Variants in ATP8A2 observed in about 807,000 individuals in gnomAD.
ATP8A2 encodes the protein ATPase phospholipid transporting 8A2, also known as phospholipid-transporting ATPase IB.
A neutral mutation model predicts 165.6 loss-of-function variants in ATP8A2; 100 were observed. The observed-to-expected ratio is 0.60, with a 90% confidence interval of 0.51 to 0.71. ATP8A2 has a LOEUF of 0.71. Among genes scored for constraint, ATP8A2 ranks in the 30% least tolerant of loss-of-function variants. The pLI, the probability that ATP8A2 is intolerant of heterozygous loss-of-function variation, is 0.00. For missense variants in ATP8A2, 1,227 were observed against 1,479.5 expected, an observed-to-expected ratio of 0.83 and a Z score of 2.80; for synonymous variants, 543 against 548.8, an observed-to-expected ratio of 0.99 and a Z score of 0.15.
In ATP8A2 at chr13:25,506,216, C is replaced by T. The variant is rs530885208; in HGVS notation, c.222-23783C>T. 4.6e-5 allele frequency among the ~76,000 whole-genome samples: 7 copies of T among 152,302 alleles called. No individual in the cohort carries two copies. In the South Asian group the frequency reaches 1.5e-3, roughly 32 times the overall value. ...GAAAGTTGTTGATTTTCTAATTGAG[C>T]AGGGCTCATTTGAGGGGAGCTGACA... On this transcript the variant is annotated intron_variant, in intron 2 of 36. Transcript: ENST00000381655.
At chr13:25,975,442 T>C (rs900355155) in intron 35 of ATP8A2, among the ~76,000 whole-genome samples, 2 of 149,046 alleles carry the variant, frequency 1.3e-5, no homozygotes, top group African/African-American at 2.5e-5. Context: ...ATTAGCCGGG[T>C]GTGGTGGCGG....
intron 27 of ATP8A2, among the ~76,000 whole-genome samples, chr13:25,801,797 CAT>C (rs1261541626): frequency 1.3e-5 from 2 of 152,150 alleles, no homozygotes. Flanking sequence ...TTAATTGACT[CAT>C]AGTTCTGCAT....
chr13:25,418,138 G>T (rs112658762), intron 1 of ATP8A2, among the ~76,000 whole-genome samples: 2 of 152,106 alleles, frequency 1.3e-5, no homozygotes, highest in African/African-American at 4.8e-5. Context: ...TAGCAATTAG[G>T]GAACCAAGGT....
At chr13:25,811,857 T>A (rs1950880028) in intron 27 of ATP8A2, among the ~76,000 whole-genome samples, 1 of 152,176 alleles carries the variant, frequency 6.6e-6, no homozygotes, top group African/African-American at 2.4e-5. Flanking sequence ...CAAGACCCTA[T>A]CTCAAAGAAA....
chr13:25,991,106 A>G (rs1024689041), intron 35 of ATP8A2, among the ~76,000 whole-genome samples: 1 of 152,136 alleles, frequency 6.6e-6, no homozygotes, highest in African/African-American at 2.4e-5. Flanking sequence ...TCCCTCGGGT[A>G]GTGTGCCTGC....
intron 33 of ATP8A2, among the ~76,000 whole-genome samples, chr13:25,918,751 C>G (rs931527818): frequency 2.6e-5 from 4 of 152,150 alleles, no homozygotes; most frequent in African/African-American, 9.7e-5. Flanking sequence ...GCACTTGTCT[C>G]CCATCCCTCC....
At chr13:26,018,185 G>A (rs1393259159) in intron 36 of ATP8A2, among the ~76,000 whole-genome samples, 1 of 152,216 alleles carries the variant, frequency 6.6e-6, no homozygotes, top group African/African-American at 2.4e-5. Flanking sequence ...CTGAGCCTTT[G>A]GGATTCTCAG....
intron 2 of ATP8A2, among the ~76,000 whole-genome samples, chr13:25,517,735 T>G (rs2137821485): frequency 6.6e-6 from 1 of 152,354 alleles, no homozygotes; most frequent in East Asian, 1.9e-4. Context: ...ACACCCCTTT[T>G]TCCTGCTGTA....
intron 24 of ATP8A2, among the ~76,000 whole-genome samples, chr13:25,672,888 A>G (rs1399012427): frequency 6.6e-6 from 1 of 152,172 alleles, no homozygotes; most frequent in Non-Finnish European, 1.5e-5. Context: ...GAAGGAGGCA[A>G]TTACAGAGTG....
At chr13:25,851,118 A>T (rs770364187) in intron 30 of ATP8A2, among the ~76,000 whole-genome samples, 3 of 152,154 alleles carry the variant, frequency 2.0e-5, no homozygotes, top group Non-Finnish European at 4.4e-5. Context: ...GGAAGGAAGT[A>T]CTCTTTCCTA....
intron 33 of ATP8A2, among the ~76,000 whole-genome samples, chr13:25,907,991 T>G (rs1953993013): frequency 6.6e-6 from 1 of 152,246 alleles, no homozygotes; most frequent in African/African-American, 2.4e-5. Flanking sequence ...CTTGTTCATT[T>G]TAAGACTTTG....
chr13:25,783,823 A>G (rs1381125652), intron 27 of ATP8A2, among the ~76,000 whole-genome samples: 1 of 152,204 alleles, frequency 6.6e-6, no homozygotes, highest in African/African-American at 2.4e-5. Context: ...GAAATGCATT[A>G]TGCTGCGGTT....
chr13:25,891,990 CT>C (rs370206922), intron 33 of ATP8A2, among the ~76,000 whole-genome samples: 245 of 142,458 alleles, frequency 1.7e-3, no homozygotes, highest in Middle Eastern at 3.5e-3. Flanking sequence ...AAGCCTTTTT[CT>C]TTTTTTTTTT....
chr13:25,862,314 C>A lies in ATP8A2; in HGVS notation c.3089C>A (p.Ala1030Asp). 1 of 1,613,922 alleles carries A rather than the reference C, an allele frequency of 6.2e-7. No individual in the cohort carries two copies. The highest frequency in any genetic ancestry group is 8.5e-7 in the Non-Finnish European group (1 of 1,179,834). Reference protein sequence around the residue: ...TTAWTKFSHLAVWGSMLTWLV... With the variant: ...TTAWTKFSHLDVWGSMLTWLV... ...TTCCCTCTGCAGTTCAGTCATCTGG[C>A]TGTCTGGGGAAGCATGCTGACCTGG... Residue 1030 changes from alanine to aspartate, a missense_variant, in exon 33 of 37, where the codon GCT becomes GAT. Physicochemically the swap from Ala to Asp is moderately radical, Grantham distance 126. Transcript: ENST00000381655.
chr13:25,527,710 A>C (rs2037886024), intron 2 of ATP8A2, among the ~76,000 whole-genome samples: 1 of 151,884 alleles, frequency 6.6e-6, no homozygotes, highest in African/African-American at 2.4e-5. Flanking sequence ...CTTATATTTC[A>C]TTTTTTGCCA....
intron 33 of ATP8A2, among the ~76,000 whole-genome samples, chr13:25,899,384 A>G (rs1327156950): frequency 1.3e-5 from 2 of 152,192 alleles, no homozygotes; most frequent in Non-Finnish European, 2.9e-5. Context: ...ATGTCTGACA[A>G]ATTGAGAATA....
chr13:25,785,877 G>A (rs563131643), intron 27 of ATP8A2, among the ~76,000 whole-genome samples: 45 of 152,322 alleles, frequency 3.0e-4, no homozygotes, highest in African/African-American at 1.1e-3. Flanking sequence ...AATTCGTGAC[G>A]TATCACTACC....
At chr13:25,554,004 G>A (rs993140013) in intron 12 of ATP8A2, 84 bp downstream of exon 12, 252 of 1,408,738 alleles carry the variant, frequency 1.8e-4, no homozygotes, top group Non-Finnish European at 2.2e-4. Flanking sequence ...CAAAAAAGAA[G>A]AACTATATTC....
chr13:25,407,425 T>C (rs1033818730), intron 1 of ATP8A2, among the ~76,000 whole-genome samples: 1 of 152,190 alleles, frequency 6.6e-6, no homozygotes, highest in Non-Finnish European at 1.5e-5. Context: ...CTTCCAACTG[T>C]ATGTATTTTG....
Sources: gnomAD v4.1 joint callset for allele counts (sites outside exome capture counted in the v4.1 genomes callset) on GRCh38, gnomAD v4.1.1 for gene constraint, MANE v1.5 for transcripts, NCBI Gene and HGNC (gene_info 2026-07-23, HGNC 2026-07-21) for gene names.